ANO6: variants seen among roughly 807,000 people sequenced by gnomAD.
ANO6 encodes anoctamin-6.
In ANO6, 106 loss-of-function variants were observed where a neutral mutation model predicts 117.5. That is an observed-to-expected ratio of 0.90 (90% CI 0.77 to 1.06). ANO6 has a LOEUF of 1.06. ANO6 is among the 50% of genes least tolerant of loss of function. The pLI is 0.00. For missense variants in ANO6, 955 were observed against 1,121.1 expected (o/e 0.85, Z 2.12); for synonymous variants, 367 against 385.1 (o/e 0.95, Z 0.55).
chr12:45,281,409 T>G (rs750825590), intron 1 of ANO6, among the ~76,000 whole-genome samples: 3 of 152,234 alleles, frequency 2.0e-5, no homozygotes, highest in Non-Finnish European at 2.9e-5. Flanking sequence ...TTATTTTGGC[T>G]CACAGTTCTG....
At chr12:45,252,588 G>A (rs542253412) in intron 1 of ANO6, among the ~76,000 whole-genome samples, 1 of 152,242 alleles carries the variant, frequency 6.6e-6, no homozygotes, top group East Asian at 1.9e-4. Context: ...CTGACAATCA[G>A]TGTTCTCATT....
rs1377080638 is a variant in ANO6 at position 45,403,169 on chromosome 12, A to G, written c.1710A>G (p.Ala570=). 6.2e-6 allele frequency: 10 copies of G among 1,613,908 alleles called. No homozygotes were observed. In the Admixed American group the frequency reaches 6.7e-5, roughly 11 times the overall value. ...ACTACTCTTCATGCTTCTACATAGC[A>G]TTCTTTAAGGGCAAATTTGTAGGCT... is the stretch of plus-strand genomic sequence containing the variant. ...VNYYSSCFYI[A]FFKGKFVGYP... is the part of the protein sequence containing the mutation. Residue 570 remains alanine (A), a synonymous_variant, in exon 14 of 20, where the codon GCA becomes GCG. Transcript: ENST00000320560.
Position 45,422,955 on chromosome 12 carries a change from A to G in ANO6, c.2421-2A>G. Reference sequence around the variant, plus strand: ...CCCAATATGTCTCCATTTTGTTTTCAGGTATCGTGATTTCCGATACCCACC... The same window carrying G: ...CCCAATATGTCTCCATTTTGTTTTCGGGTATCGTGATTTCCGATACCCACC... On this transcript the variant is annotated splice_acceptor_variant, in intron 18 of 19. Coordinates refer to ENST00000320560, the MANE Select transcript of ANO6 (RefSeq NM_001025356.3). LOFTEE classifies it high-confidence loss of function. 6.2e-7 allele frequency: 1 copy of G among 1,601,218 alleles called. No individual in the cohort carries two copies. The highest frequency in any genetic ancestry group is 8.6e-7 in the Non-Finnish European group (1 of 1,168,268).
chr12:45,297,996 C>T (rs559272905), intron 1 of ANO6, among the ~76,000 whole-genome samples: 12 of 152,298 alleles, frequency 7.9e-5, no homozygotes, highest in South Asian at 4.1e-4. Context: ...AGGGCCTTAC[C>T]ACACAGTGTG....
At chr12:45,254,322 C>A (rs1937733512) in intron 1 of ANO6, among the ~76,000 whole-genome samples, 1 of 152,170 alleles carries the variant, frequency 6.6e-6, no homozygotes, top group Non-Finnish European at 1.5e-5. Context: ...GTTGTCCATA[C>A]CTCCTGAAGG....
chr12:45,420,794 T>TGAGACCAGGAGTTC (rs149876772), intron 17 of ANO6, among the ~76,000 whole-genome samples: 2 of 151,814 alleles, frequency 1.3e-5, no homozygotes, highest in Non-Finnish European at 2.9e-5. Flanking sequence ...GCAGATCACC[T>TGAGACCAGGAGTTC]GAGACCAGGA....
intron 1 of ANO6, among the ~76,000 whole-genome samples, chr12:45,254,766 C>G (rs922368353): frequency 6.6e-6 from 1 of 152,136 alleles, no homozygotes; most frequent in Non-Finnish European, 1.5e-5. Flanking sequence ...TAAGATTATA[C>G]CTACTTTGTT....
chr12:45,323,790 CTT>C (rs1940362972), intron 2 of ANO6, among the ~76,000 whole-genome samples: 2 of 151,956 alleles, frequency 1.3e-5, no homozygotes, highest in African/African-American at 2.4e-5. Flanking sequence ...ATTTTGGACT[CTT>C]TTCATTTACC....
chr12:45,293,197 A>C lies in ANO6; in HGVS notation c.71-8817A>C, dbSNP rs7307262. Among the ~76,000 whole-genome samples, 129,963 of 152,180 alleles carry C rather than the reference A, an allele frequency of 0.85. 56,411 individuals are homozygous for C. Among genetic ancestry groups the C allele is most frequent in the Non-Finnish European group, 0.94 (63,696 of 68,020 alleles). ...CACTAGTAACTGTACTGGAGTGACA[A>C]ATTTATAATTAATTTCATCATTTGT... On this transcript the variant is annotated intron_variant, in intron 1 of 19. Transcript: ENST00000320560.
intron 9 of ANO6, among the ~76,000 whole-genome samples, chr12:45,374,884 T>C (rs1462842606): frequency 2.0e-5 from 3 of 152,044 alleles, no homozygotes; most frequent in South Asian, 2.1e-4. Context: ...AAATAAAGGG[T>C]ATTCAATTAG....
chr12:45,331,343 C>A lies in ANO6; in HGVS notation c.199C>A (p.Arg67=). The A allele has an allele frequency of 1.2e-6, 2 of 1,607,528 alleles. No individual in the cohort carries two copies. The highest frequency in any genetic ancestry group is 1.1e-5 in the South Asian group (1 of 89,896). Residue 67 remains arginine, a synonymous_variant, in exon 3 of 20, where the codon CGA becomes AGA. Transcript: ENST00000320560. The part of the protein sequence containing the change: ...PDSLFFNDGQ[R]RIDFVLVYED... ...CTCCCTCTTTTTTAATGATGGCCAG[C>A]GAAGAATTGACTTTGTTCTAGTATA...
downstream of ANO6, among the ~76,000 whole-genome samples, chr12:45,435,209 C>T (rs1003645796): frequency 1.3e-5 from 2 of 152,210 alleles, no homozygotes; most frequent in African/African-American, 4.8e-5. Flanking sequence ...GGCAGTTTGT[C>T]AGCCTGGATA....
At chr12:45,413,545 C>T (rs1031812286) in intron 16 of ANO6, among the ~76,000 whole-genome samples, 1 of 152,158 alleles carries the variant, frequency 6.6e-6, no homozygotes, top group Non-Finnish European at 1.5e-5. Context: ...GCATGCCTAG[C>T]AGGAATATCA....
At chr12:45,314,699 C>T (rs1475903540) in intron 2 of ANO6, among the ~76,000 whole-genome samples, 2 of 151,920 alleles carry the variant, frequency 1.3e-5, no homozygotes, top group African/African-American at 4.8e-5. Context: ...CAGGATTTTA[C>T]CAGGTCTTTT....
downstream of ANO6, chr12:45,432,407 T>C (rs1943655728): frequency 1.6e-6 from 1 of 612,886 alleles, no homozygotes; most frequent in Non-Finnish European, 2.0e-6. Context: ...ATATATCTGC[T>C]ATTTACTAGT....
At chr12:45,247,558 A>G (rs1047175746) in intron 1 of ANO6, among the ~76,000 whole-genome samples, 2 of 152,232 alleles carry the variant, frequency 1.3e-5, no homozygotes, top group Non-Finnish European at 1.5e-5. Context: ...TAGGTCTGCC[A>G]TAACAATGTA....
chr12:45,263,307 T>C (rs1938105929), intron 1 of ANO6, among the ~76,000 whole-genome samples: 1 of 151,030 alleles, frequency 6.6e-6, no homozygotes, highest in South Asian at 2.1e-4. Context: ...TGGGCTCAAG[T>C]GATTCTCTCA....
intron 12 of ANO6, among the ~76,000 whole-genome samples, chr12:45,397,786 G>A (rs1593065204): frequency 6.6e-6 from 1 of 152,284 alleles, no homozygotes; most frequent in East Asian, 1.9e-4. Flanking sequence ...ATTGAACAAT[G>A]AGATAACTTG....
At chr12:45,359,489 T>A (rs1282953687) in intron 8 of ANO6, among the ~76,000 whole-genome samples, 1 of 152,210 alleles carries the variant, frequency 6.6e-6, no homozygotes, top group Non-Finnish European at 1.5e-5. Flanking sequence ...ACAGTCTACT[T>A]CCTGTTTCTA....
Sources: allele counts gnomAD v4.1 joint callset (sites outside exome capture counted in the v4.1 genomes callset), GRCh38; gene constraint gnomAD v4.1.1; transcripts MANE v1.5; gene names NCBI Gene and HGNC (gene_info 2026-07-23, HGNC 2026-07-21).